The following NBEAL1 variants were observed in gnomAD, a reference collection of about 807,000 sequenced individuals.
NBEAL1 encodes neurobeachin-like protein 1.
Under a neutral mutation model 351.3 loss-of-function variants are expected in NBEAL1, and 273 were observed. That is an observed-to-expected ratio of 0.78 (90% CI 0.70 to 0.86). The LOEUF (loss-of-function observed/expected upper bound fraction) is 0.86, where lower values mean the gene tolerates loss of function less well. Ranked by LOEUF, NBEAL1 falls within the 40% of genes least tolerant of loss-of-function variation. The probability of loss-of-function intolerance (pLI) is 0.00; values close to 1 mark genes in which losing one functional copy is unlikely to be tolerated. For missense variants in NBEAL1, 2,961 were observed against 3,201.3 expected (o/e 0.92, Z 1.81); for synonymous variants, 1,050 against 1,086.4 (o/e 0.97, Z 0.66).
intron 15 of NBEAL1, among the ~76,000 whole-genome samples, chr2:203,110,773 T>TC (rs1002181283): frequency 2.8e-5 from 4 of 143,330 alleles, no homozygotes; most frequent in African/African-American, 5.1e-5. Context: ...TTTTCTTTTT[T>TC]TTTTTTTTTT....
chr2:203,205,011 A>C (rs1559064108), intron 51 of NBEAL1, among the ~76,000 whole-genome samples: 1 of 152,114 alleles, frequency 6.6e-6, no homozygotes. Context: ...ATTTTCTTAT[A>C]TTATTAGCTA....
chr2:203,100,656 C>T (rs1317353401), intron 12 of NBEAL1, among the ~76,000 whole-genome samples: 1 of 151,488 alleles, frequency 6.6e-6, no homozygotes. Flanking sequence ...AAGTGATGCT[C>T]CTGCCTCAGC....
At chr2:203,104,782 A>G (rs912815688) in intron 12 of NBEAL1, among the ~76,000 whole-genome samples, 1 of 151,966 alleles carries the variant, frequency 6.6e-6, no homozygotes, top group Non-Finnish European at 1.5e-5. Context: ...TCTGAAAAGG[A>G]TCTTATTCTT....
intron 35 of NBEAL1, among the ~76,000 whole-genome samples, chr2:203,153,782 G>C (rs1163737607): frequency 6.6e-6 from 1 of 152,066 alleles, no homozygotes; most frequent in Non-Finnish European, 1.5e-5. Flanking sequence ...GTTACTTAAG[G>C]CATAGTGTTC....
In NBEAL1 at chr2:203,099,699, C is replaced by G. The variant is rs2062268148; in HGVS notation, c.1256C>G (p.Ser419Cys). The G allele has an allele frequency of 6.5e-7, 1 of 1,546,512 alleles. No individual in the cohort carries two copies. The highest frequency in any genetic ancestry group is 1.4e-5 in the African/African-American group (1 of 72,790). The change falls in exon 12 of 56, where the codon TCT (serine) becomes TGT (cysteine). Residue 419 changes from serine (S) to cysteine (C), a missense_variant. Physicochemically the swap from Ser to Cys is moderately radical, Grantham distance 112. Coordinates refer to ENST00000683969, the MANE Select transcript of NBEAL1 (RefSeq NM_001378026.1). ...GCTTTGACCGCAGTAATGAACAAATCTCCAGCTGCTAAGGTGAAACATATA... is the reference window on the plus strand; with the variant it reads ...GCTTTGACCGCAGTAATGAACAAATGTCCAGCTGCTAAGGTGAAACATATA... ...IQALTAVMNK[S>C]PAAKEVFKER...
At position 203,110,214 on chromosome 2, in the gene NBEAL1, G is replaced by A. The variant is rs962590834; in HGVS notation, c.2014G>A (p.Ala672Thr). The A allele has an allele frequency of 2.8e-5, 44 of 1,553,552 alleles. No individual in the cohort carries two copies. The highest frequency in any genetic ancestry group is 3.6e-5 in the Non-Finnish European group (41 of 1,147,442). ...TACCCATTCAGGTATGTTGGTCGTG[G>A]CAGTGTGCACAAAAAGAGAATATGC... Reference protein sequence around the residue: ...FITHSGMLVVAVCTKREYATV... With the variant: ...FITHSGMLVVTVCTKREYATV... Residue 672 changes from alanine to threonine, a missense_variant, in exon 15 of 56, where the codon GCA (alanine) becomes ACA (threonine). By Grantham distance (58) the Ala-to-Thr change is moderately conservative (BLOSUM62 0). Coordinates refer to ENST00000683969, the MANE Select transcript of NBEAL1 (RefSeq NM_001378026.1).
chr2:203,110,025 A>G (rs2062529779), intron 14 of NBEAL1, 125 bp from the exon 15 acceptor site: 2 of 931,454 alleles, frequency 2.1e-6, no homozygotes, highest in African/African-American at 1.7e-5. Context: ...CTGTGTGGCA[A>G]TAGAATTTAA....
Position 203,223,751 on chromosome 2 carries a change from T to C in NBEAL1, c.*6397T>C, listed in dbSNP as rs1018016503. Among the ~76,000 whole-genome samples, 30 of 152,064 alleles carry C rather than the reference T, an allele frequency of 2.0e-4. No individual in the cohort carries two copies. ...AAAATGCTATTTTGGGTTGTCTTCT[T>C]TTGGTAACATATTCTGACACTAAGC... On this transcript the variant is annotated 3_prime_UTR_variant, in exon 56 of 56. Transcript: ENST00000683969.
intron 2 of NBEAL1, among the ~76,000 whole-genome samples, chr2:203,039,645 C>T (rs527769684): frequency 1.5e-4 from 23 of 152,224 alleles, no homozygotes; most frequent in Admixed American, 1.2e-3. Context: ...CCGCCTGCCT[C>T]GGGCTCCCAA....
intron 18 of NBEAL1, among the ~76,000 whole-genome samples, chr2:203,117,404 A>C (rs1055296945): frequency 7.9e-5 from 12 of 152,078 alleles, no homozygotes; most frequent in Non-Finnish European, 1.8e-4. Context: ...CGGAGCTTGC[A>C]TTGAGCCGAG....
intron 10 of NBEAL1, among the ~76,000 whole-genome samples, chr2:203,092,208 C>T (rs1489421128): frequency 6.6e-6 from 1 of 152,006 alleles, no homozygotes; most frequent in Non-Finnish European, 1.5e-5. Flanking sequence ...GATATACATG[C>T]AATTTGCTTT....
intron 47 of NBEAL1, among the ~76,000 whole-genome samples, chr2:203,194,576 T>A (rs1022239976): frequency 1.3e-5 from 2 of 151,262 alleles, no homozygotes; most frequent in Non-Finnish European, 2.9e-5. Context: ...TAATAACTTA[T>A]TTGAAAAGTA....
chr2:203,100,599 T>G (rs2062295595), intron 12 of NBEAL1, among the ~76,000 whole-genome samples: 1 of 149,892 alleles, frequency 6.7e-6, no homozygotes, highest in African/African-American at 2.5e-5. Flanking sequence ...CAAGCTGGAG[T>G]GCAGTAGCAC....
chr2:203,096,871 T>C (rs960149251), intron 10 of NBEAL1, among the ~76,000 whole-genome samples: 2 of 152,236 alleles, frequency 1.3e-5, no homozygotes, highest in African/African-American at 4.8e-5. Context: ...AGAACCATAC[T>C]GGGTGTTACG....
intron 33 of NBEAL1, among the ~76,000 whole-genome samples, chr2:203,146,928 A>G: frequency 6.6e-6 from 1 of 152,240 alleles, no homozygotes; most frequent in South Asian, 2.1e-4. Context: ...AAGAAAAACT[A>G]CATTATCATA....
At chr2:203,190,158 G>GTACA (rs1161173613) in intron 45 of NBEAL1, 134 bp from the exon 46 acceptor site, 11 of 339,690 alleles carry the variant, frequency 3.2e-5, no homozygotes, top group Non-Finnish European at 5.4e-5. Context: ...AAAGATGTGT[G>GTACA]TACACACACA....
At chr2:203,014,725 C>T (rs977712094), upstream of NBEAL1, 1 of 152,390 alleles carries the variant, frequency 6.6e-6, no homozygotes, top group Non-Finnish European at 1.5e-5. Flanking sequence ...TGGGGCGGGG[C>T]TTCAGGTCAC....
intron 12 of NBEAL1, among the ~76,000 whole-genome samples, chr2:203,105,139 A>G (rs2062405803): frequency 6.6e-6 from 1 of 151,390 alleles, no homozygotes; most frequent in South Asian, 2.1e-4. Flanking sequence ...CCCAGGTGTG[A>G]GCCACTGCAC....
At chr2:203,071,633 A>C (rs2061684723) in intron 7 of NBEAL1, among the ~76,000 whole-genome samples, 1 of 152,210 alleles carries the variant, frequency 6.6e-6, no homozygotes. Flanking sequence ...GTAAGTCTAA[A>C]GTTCAAAATC....
Sources: gnomAD v4.1 joint callset for allele counts (sites outside exome capture counted in the v4.1 genomes callset) on GRCh38, gnomAD v4.1.1 for gene constraint, MANE v1.5 for transcripts, NCBI Gene and HGNC (gene_info 2026-07-23, HGNC 2026-07-21) for gene names.